The following SGCZ variants were observed in gnomAD, a reference collection of about 807,000 sequenced individuals.
The protein encoded by SGCZ is zeta-sarcoglycan.
Under a neutral mutation model 41.3 loss-of-function variants are expected in SGCZ, and 40 were observed. The ratio of observed to expected loss-of-function variants is 0.97; its 90% confidence interval spans 0.75 to 1.26. SGCZ has a LOEUF of 1.26. SGCZ is among the 50% of genes most tolerant of loss of function. The pLI is 0.00. For synonymous variants in SGCZ, 206 were observed against 137.5 expected, an observed-to-expected ratio of 1.50 and a Z score of -3.49; for missense variants, 552 against 369.8, an observed-to-expected ratio of 1.49 and a Z score of -4.04.
intron 1 of SGCZ, among the ~76,000 whole-genome samples, chr8:14,562,447 A>T (rs1282115938): frequency 6.6e-6 from 1 of 152,182 alleles, no homozygotes; most frequent in Non-Finnish European, 1.5e-5. Flanking sequence ...ATACAATAAA[A>T]AAGAAATACA....
intron 1 of SGCZ, among the ~76,000 whole-genome samples, chr8:15,133,599 G>A (rs1807996584): frequency 6.6e-6 from 1 of 152,098 alleles, no homozygotes; most frequent in Non-Finnish European, 1.5e-5. Flanking sequence ...TATCTCACTT[G>A]TAGGAGAAAA....
chr8:14,099,720 T>C (rs568350866), intron 7 of SGCZ, among the ~76,000 whole-genome samples: 4 of 151,498 alleles, frequency 2.6e-5, no homozygotes, highest in Admixed American at 1.3e-4. Flanking sequence ...AGCGAGACTC[T>C]GTCTCAAAAA....
At chr8:14,921,448 G>A (rs943211228) in intron 1 of SGCZ, among the ~76,000 whole-genome samples, 6 of 151,806 alleles carry the variant, frequency 4.0e-5, no homozygotes, top group African/African-American at 1.5e-4. Flanking sequence ...AGATTAAAGG[G>A]CATAATACAT....
At chr8:15,154,408 G>A (rs1012032595) in intron 1 of SGCZ, among the ~76,000 whole-genome samples, 15 of 152,172 alleles carry the variant, frequency 9.9e-5, no homozygotes, top group African/African-American at 3.1e-4. Context: ...CCCTTCCAGT[G>A]GCCAGAGTGT....
intron 1 of SGCZ, among the ~76,000 whole-genome samples, chr8:14,677,472 A>G (rs574925747): frequency 6.6e-6 from 1 of 152,268 alleles, no homozygotes; most frequent in East Asian, 1.9e-4. Flanking sequence ...ATGAATAACA[A>G]CAAACTGATT....
At position 15,237,754 on chromosome 8, in the gene SGCZ, C is replaced by G; in HGVS notation, c.-131G>C. ...CGGCAGCTCCTCTCAGTCTCATTCT[C>G]CGTGGTCACGCCGCCTCCACCGGGT... On this transcript the variant is annotated 5_prime_UTR_variant, in exon 1 of 8. Coordinates refer to ENST00000382080, the MANE Select transcript of SGCZ (RefSeq NM_139167.4). 5 of 831,218 alleles carry G rather than the reference C, an allele frequency of 6.0e-6. No homozygotes were observed. The highest frequency in any genetic ancestry group is 9.7e-6 in the Non-Finnish European group (5 of 514,172). 51.5% of individuals were successfully genotyped at this position (831,218 alleles called of 1,614,324 possible).
chr8:15,088,713 T>C (rs1011232597), intron 1 of SGCZ, among the ~76,000 whole-genome samples: 2 of 152,156 alleles, frequency 1.3e-5, no homozygotes, highest in African/African-American at 2.4e-5. Context: ...TAAGCCTCTT[T>C]TATTCGTCTA....
At chr8:14,855,734 A>C (rs533000331) in intron 1 of SGCZ, among the ~76,000 whole-genome samples, 1 of 152,296 alleles carries the variant, frequency 6.6e-6, no homozygotes, top group African/African-American at 2.4e-5. Context: ...CTCTCCCTTC[A>C]GTTTTCATAA....
chr8:14,669,731 CAA>C (rs1468462622), intron 1 of SGCZ, among the ~76,000 whole-genome samples: 3 of 133,936 alleles, frequency 2.2e-5, no homozygotes, highest in Non-Finnish European at 3.2e-5. Flanking sequence ...CACACACACA[CAA>C]TATTTTGTTC....
chr8:14,860,342 C>T (rs1000827236), intron 1 of SGCZ, among the ~76,000 whole-genome samples: 5 of 151,914 alleles, frequency 3.3e-5, no homozygotes, highest in African/African-American at 1.2e-4. Context: ...GCATCACCAC[C>T]ATCTAGTGTC....
At chr8:14,266,270 C>T (rs1354596617) in intron 3 of SGCZ, among the ~76,000 whole-genome samples, 1 of 151,974 alleles carries the variant, frequency 6.6e-6, no homozygotes, top group Non-Finnish European at 1.5e-5. Flanking sequence ...TGAAGCAATA[C>T]AAATATAACA....
chr8:14,315,459 T>A (rs570258076), intron 3 of SGCZ, among the ~76,000 whole-genome samples: 1 of 151,964 alleles, frequency 6.6e-6, no homozygotes, highest in Non-Finnish European at 1.5e-5. Context: ...ATGAAGCAAA[T>A]GGAAGGTGTG....
At chr8:14,270,114 C>G (rs1051849523) in intron 3 of SGCZ, among the ~76,000 whole-genome samples, 2 of 151,992 alleles carry the variant, frequency 1.3e-5, no homozygotes, top group Admixed American at 1.3e-4. Flanking sequence ...AGTGGAACCC[C>G]TGAGGTCAGG....
intron 2 of SGCZ, among the ~76,000 whole-genome samples, chr8:14,326,719 T>C (rs1045188633): frequency 2.0e-5 from 3 of 152,198 alleles, no homozygotes; most frequent in Non-Finnish European, 4.4e-5. Context: ...CATACATTTC[T>C]GTTAGGATGA....
rs543031329 is a variant in SGCZ, at chr8:14,723,543, C to G, written c.40-168617G>C. On this transcript the variant is annotated intron_variant, in intron 1 of 7. Transcript: ENST00000382080. ...GCTCCACGGAGCCTGGCCATAGGTG[C>G]CCATCCCTCAGGGCACCCCTCTCCC... is the stretch of plus-strand genomic sequence containing the variant. Among the ~76,000 whole-genome samples the G allele has an allele frequency of 7.2e-5, 11 of 152,222 alleles. No individual in the cohort carries two copies. In the South Asian group the frequency reaches 2.3e-3, roughly 32 times the overall value.
chr8:15,232,761 ATGTG>A (rs1801990471), intron 1 of SGCZ, among the ~76,000 whole-genome samples: 1 of 143,972 alleles, frequency 6.9e-6, no homozygotes, highest in Non-Finnish European at 1.5e-5. Context: ...ATACATATAT[ATGTG>A]TGTATATATA....
At chr8:14,389,060 T>C (rs1804670577) in intron 2 of SGCZ, among the ~76,000 whole-genome samples, 1 of 151,958 alleles carries the variant, frequency 6.6e-6, no homozygotes, top group Non-Finnish European at 1.5e-5. Context: ...ACCACCAATT[T>C]TAATTTTTAG....
At chr8:15,091,647 A>G (rs552959723) in intron 1 of SGCZ, among the ~76,000 whole-genome samples, 7 of 152,348 alleles carry the variant, frequency 4.6e-5, no homozygotes, top group African/African-American at 9.6e-5. Flanking sequence ...AAAATTTCCA[A>G]TTTAAATAAG....
intron 1 of SGCZ, among the ~76,000 whole-genome samples, chr8:14,924,174 T>C (rs1262958323): frequency 2.0e-5 from 3 of 152,248 alleles, no homozygotes; most frequent in Non-Finnish European, 4.4e-5. Context: ...TATTTGTTGT[T>C]CCCACAGTAG....
Sources: gnomAD v4.1 joint callset for allele counts (sites outside exome capture counted in the v4.1 genomes callset) on GRCh38, gnomAD v4.1.1 for gene constraint, MANE v1.5 for transcripts, NCBI Gene and HGNC (gene_info 2026-07-23, HGNC 2026-07-21) for gene names.